Variants in CKMT2 observed in about 807,000 individuals in gnomAD.
CKMT2 encodes the protein creatine kinase, mitochondrial 2.
In CKMT2, 43 loss-of-function variants were observed where a neutral mutation model predicts 48.9. The ratio of observed to expected loss-of-function variants is 0.88; its 90% CI spans 0.69 to 1.13. The LOEUF (loss-of-function observed/expected upper bound fraction) is 1.13. Among genes scored for constraint, CKMT2 ranks in the 50% most tolerant of loss-of-function variants. The pLI is 0.00. For missense variants in CKMT2, 472 were observed against 555.4 expected, an observed-to-expected ratio of 0.85 and a Z score of 1.51; for synonymous variants, 206 against 213.0, an observed-to-expected ratio of 0.97 and a Z score of 0.29.
chr5:81,234,658 AC>A (rs369711203), intron 1 of CKMT2, among the ~76,000 whole-genome samples: 272 of 152,218 alleles, frequency 1.8e-3, no homozygotes, highest in African/African-American at 6.4e-3. Context: ...TGCCACATGC[AC>A]CCCATGGACT....
At chr5:81,261,939 C>G (rs999971721) in intron 8 of CKMT2, among the ~76,000 whole-genome samples, 19 of 152,194 alleles carry the variant, frequency 1.2e-4, no homozygotes, top group Non-Finnish European at 2.8e-4. Context: ...TGACTTCAAA[C>G]TATACTACAA....
At chr5:81,240,226 C>G (rs1355969530) in intron 1 of CKMT2, among the ~76,000 whole-genome samples, 1 of 152,212 alleles carries the variant, frequency 6.6e-6, no homozygotes, top group African/African-American at 2.4e-5. Context: ...TCAGTGCTGC[C>G]TGGAGTGACA....
At chr5:81,245,502 C>T (rs1483064980) in intron 1 of CKMT2, 1 of 152,270 alleles carries the variant, frequency 6.6e-6, no homozygotes, top group Non-Finnish European at 1.5e-5. Context: ...GCAAATATTA[C>T]TCATTTGGGT....
chr5:81,257,701 AAC>A (rs757545346), intron 6 of CKMT2, 30 bp from the exon 7 acceptor site: 1 of 1,588,848 alleles, frequency 6.3e-7, no homozygotes, highest in South Asian at 1.1e-5. Context: ...AAATGCAATT[AAC>A]ACTCAGTACC....
chr5:81,250,936 A>G, intron 1 of CKMT2, 177 bp from the exon 2 acceptor site: 1 of 237,808 alleles, frequency 4.2e-6, no homozygotes. Flanking sequence ...AGCAAGAAAT[A>G]GAAAACACAC....
Position 81,255,172 on chromosome 5 carries a change from G to A in CKMT2, c.627G>A (p.Lys209=), listed in dbSNP as rs1395681092. The change falls in exon 5 of 10, where the codon AAG becomes AAA. Residue 209 remains lysine, a synonymous_variant. Coordinates refer to ENST00000254035, the MANE Select transcript of CKMT2 (RefSeq NM_001099735.2). ...LKGDLAGRYY[K]LSEMTEQDQQ... is the part of the protein sequence containing the mutation. ...GGGACCTGGCTGGCCGCTACTACAAGCTGTCCGAGATGACGGAGCAGGACC... is the reference window on the plus strand; with the variant it reads ...GGGACCTGGCTGGCCGCTACTACAAACTGTCCGAGATGACGGAGCAGGACC... 6.2e-7 allele frequency: 1 copy of A among 1,614,126 alleles called. No homozygotes were observed. Among genetic ancestry groups the A allele is most frequent in the East Asian group, 2.2e-5 (1 of 44,878 alleles).
chr5:81,250,877 A>G (rs368459891), intron 1 of CKMT2: 21 of 291,232 alleles, frequency 7.2e-5, no homozygotes, highest in African/African-American at 4.0e-4. Flanking sequence ...TTTAGACATT[A>G]TGTCTAAAAC....
chr5:81,247,004 G>C (rs908529395), intron 1 of CKMT2: 1 of 152,236 alleles, frequency 6.6e-6, no homozygotes, highest in African/African-American at 2.4e-5. Flanking sequence ...AAAAAGATGT[G>C]TGCTTCCTAC....
intron 6 of CKMT2, 139 bp downstream of exon 6, chr5:81,257,139 AAAGTGTGTGT>A (rs1757038329): frequency 1.7e-6 from 1 of 583,426 alleles, no homozygotes; most frequent in East Asian, 3.0e-5. Flanking sequence ...GACTACTTGG[AAAGTGTGTGT>A]GTGTGTGTGT....
At chr5:81,254,810 C>G in intron 4 of CKMT2, 183 bp from the exon 5 acceptor site, 1 of 622,854 alleles carries the variant, frequency 1.6e-6, no homozygotes, top group Non-Finnish European at 2.8e-6. Flanking sequence ...CAGCTTTCCC[C>G]TTTACTAGTC....
intron 8 of CKMT2, among the ~76,000 whole-genome samples, chr5:81,259,936 C>T (rs573742739): frequency 6.6e-6 from 1 of 152,320 alleles, no homozygotes; most frequent in South Asian, 2.1e-4. Context: ...CTCAGCATCA[C>T]ATCGCACTTA....
At chr5:81,248,797 T>A (rs1756699733) in intron 1 of CKMT2, among the ~76,000 whole-genome samples, 1 of 152,224 alleles carries the variant, frequency 6.6e-6, no homozygotes, top group Non-Finnish European at 1.5e-5. Context: ...GAGGCTTGAT[T>A]TGTTACTTGC....
chr5:81,242,457 A>T (rs1400068845), intron 1 of CKMT2: 5 of 513,562 alleles, frequency 9.7e-6, no homozygotes, highest in Non-Finnish European at 1.9e-5. Context: ...AATTTTACAG[A>T]GGTCGCCTAC....
intron 8 of CKMT2, among the ~76,000 whole-genome samples, chr5:81,262,755 T>C (rs1224934462): frequency 2.0e-5 from 3 of 152,244 alleles, no homozygotes; most frequent in Admixed American, 6.5e-5. Context: ...TCAACCATTA[T>C]GGAAGACAGT....
intron 1 of CKMT2, among the ~76,000 whole-genome samples, chr5:81,240,939 G>A (rs559373768): frequency 2.6e-5 from 4 of 152,188 alleles, no homozygotes; most frequent in Non-Finnish European, 5.9e-5. Flanking sequence ...TGAGGGAAAG[G>A]GATGCCTGAA....
intron 5 of CKMT2, among the ~76,000 whole-genome samples, chr5:81,256,427 ATTAATGGTAACTATAT>A (rs1412682157): frequency 6.6e-6 from 1 of 152,254 alleles, no homozygotes; most frequent in Non-Finnish European, 1.5e-5. Flanking sequence ...CACAGTCAGC[ATTAATGGTAACTATAT>A]TTATTGATCA....
At chr5:81,240,985 G>A (rs914035149) in intron 1 of CKMT2, among the ~76,000 whole-genome samples, 8 of 152,152 alleles carry the variant, frequency 5.3e-5, no homozygotes, top group African/African-American at 1.9e-4. Flanking sequence ...AAGCCTCTCA[G>A]GTTCCTGACA....
chr5:81,259,762 C>G (rs1044132803), intron 8 of CKMT2, among the ~76,000 whole-genome samples: 4 of 152,166 alleles, frequency 2.6e-5, no homozygotes, highest in African/African-American at 7.2e-5. Flanking sequence ...ACTTAGACTC[C>G]CACACAATAA....
Position 81,261,162 on chromosome 5 carries a change from AG to A in CKMT2, c.1014+1909del, listed in dbSNP as rs573946325. The stretch of plus-strand genomic sequence containing the variant: ...GCAGAAAAGGCCTTTGACAAAATTC[AG>A]CAGCCCTTCATGCTAAAAGTTCTCA... On this transcript the variant is annotated intron_variant, in intron 8 of 9. Coordinates refer to ENST00000254035, the MANE Select transcript of CKMT2 (RefSeq NM_001099735.2). Among the ~76,000 whole-genome samples the A allele has an allele frequency of 4.4e-3, 663 of 152,374 alleles. 2 individuals are homozygous for A. The highest frequency in any genetic ancestry group is 9.7e-3 in the Admixed American group (148 of 15,304).
Sources: allele counts gnomAD v4.1 joint callset (sites outside exome capture counted in the v4.1 genomes callset), GRCh38; gene constraint gnomAD v4.1.1; transcripts MANE v1.5; gene names NCBI Gene and HGNC (gene_info 2026-07-23, HGNC 2026-07-21).